ARID1B: variants seen among roughly 807,000 people sequenced by gnomAD.
ARID1B encodes the protein AT-rich interactive domain-containing protein 1B.
A neutral mutation model predicts 212.3 loss-of-function variants in ARID1B; 30 were observed. The observed-to-expected ratio is 0.14, with a 90% CI of 0.11 to 0.19. The LOEUF (loss-of-function observed/expected upper bound fraction) is 0.19, where lower values mean the gene tolerates loss of function less well. Among genes scored for constraint, ARID1B ranks in the 10% least tolerant of loss-of-function variants. ARID1B has a pLI of 1.00. For synonymous variants in ARID1B, 1,402 were observed against 1,301.7 expected, an observed-to-expected ratio of 1.08 and a Z score of -1.66; for missense variants, 2,891 against 3,204.0, an observed-to-expected ratio of 0.90 and a Z score of 2.36.
chr6:156,946,631 TAGCTC>T (rs1793174958), intron 4 of ARID1B, among the ~76,000 whole-genome samples: 1 of 152,026 alleles, frequency 6.6e-6, no homozygotes, highest in South Asian at 2.1e-4. Flanking sequence ...TTGAGAGTGT[TAGCTC>T]AGCGATGCTG....
chr6:156,896,576 CAA>C (rs72490811), intron 2 of ARID1B, among the ~76,000 whole-genome samples: 255 of 45,888 alleles, frequency 5.6e-3, no homozygotes, highest in Middle Eastern at 0.038. Context: ...AACTGCGTCT[CAA>C]AAAAAAAAAA....
intron 4 of ARID1B, among the ~76,000 whole-genome samples, chr6:157,008,111 T>G (rs1025577922): frequency 6.6e-6 from 1 of 152,096 alleles, no homozygotes; most frequent in East Asian, 1.9e-4. Flanking sequence ...TTTCCCTCTC[T>G]TCCTCCTTCC....
At chr6:157,092,205 C>G (rs1315998267) in intron 5 of ARID1B, among the ~76,000 whole-genome samples, 1 of 152,246 alleles carries the variant, frequency 6.6e-6, no homozygotes, top group African/African-American at 2.4e-5. Context: ...TTTCCATTCC[C>G]TTCCAAATGC....
intron 2 of ARID1B, among the ~76,000 whole-genome samples, chr6:156,862,696 G>C (rs1039037959): frequency 1.3e-5 from 2 of 152,122 alleles, no homozygotes; most frequent in African/African-American, 4.8e-5. Flanking sequence ...AGGAGGAGGC[G>C]GTAGATGTGG....
intron 3 of ARID1B, among the ~76,000 whole-genome samples, chr6:156,905,818 TTTTC>T (rs1789329828): frequency 6.6e-6 from 1 of 152,192 alleles, no homozygotes; most frequent in Non-Finnish European, 1.5e-5. Flanking sequence ...CCTATAAACT[TTTTC>T]TTTTTTTATC....
At chr6:157,172,447 T>C (rs1458684883) in intron 9 of ARID1B, among the ~76,000 whole-genome samples, 1 of 152,164 alleles carries the variant, frequency 6.6e-6, no homozygotes, top group African/African-American at 2.4e-5. Flanking sequence ...ATCCCAATTA[T>C]GATTTGTGTG....
At chr6:157,131,459 C>T (rs919306630) in intron 6 of ARID1B, among the ~76,000 whole-genome samples, 2 of 152,030 alleles carry the variant, frequency 1.3e-5, no homozygotes, top group Non-Finnish European at 2.9e-5. Context: ...GTGTGGAGAG[C>T]AGATCGTGGG....
chr6:156,872,568 G>A (rs555741838), intron 2 of ARID1B, among the ~76,000 whole-genome samples: 4 of 152,206 alleles, frequency 2.6e-5, no homozygotes, highest in East Asian at 3.9e-4. Context: ...TGATCCGCGC[G>A]CCTCAGCCTC....
At chr6:156,976,003 G>C (rs1777216673) in intron 4 of ARID1B, among the ~76,000 whole-genome samples, 2 of 152,174 alleles carry the variant, frequency 1.3e-5, no homozygotes, top group South Asian at 4.1e-4. Flanking sequence ...CTTCTCAAGG[G>C]TGGAGCGGGT....
intron 4 of ARID1B, among the ~76,000 whole-genome samples, chr6:156,998,866 G>C (rs142764034): frequency 1.3e-5 from 2 of 152,194 alleles, no homozygotes; most frequent in Non-Finnish European, 2.9e-5. Context: ...GGAAGAAAGC[G>C]TTCTTTTCCT....
intron 2 of ARID1B, among the ~76,000 whole-genome samples, chr6:156,893,804 G>A (rs1384947680): frequency 6.6e-6 from 1 of 152,166 alleles, no homozygotes. Context: ...GTGTTGTCAA[G>A]GATATGGAGA....
intron 1 of ARID1B, among the ~76,000 whole-genome samples, chr6:156,802,408 C>A (rs1034704448): frequency 2.6e-5 from 4 of 152,116 alleles, no homozygotes; most frequent in African/African-American, 9.7e-5. Context: ...GAATATTTTA[C>A]CCTTCTTTTT....
chr6:156,931,946 A>G (rs1791758155), intron 3 of ARID1B, among the ~76,000 whole-genome samples: 1 of 144,900 alleles, frequency 6.9e-6, no homozygotes, highest in Non-Finnish European at 1.5e-5. Flanking sequence ...GGGCAACGAG[A>G]GCAAGATTCC....
At chr6:157,085,120 G>A (rs934273617) in intron 5 of ARID1B, among the ~76,000 whole-genome samples, 1 of 152,068 alleles carries the variant, frequency 6.6e-6, no homozygotes, top group Non-Finnish European at 1.5e-5. Context: ...CAATTACTTT[G>A]ATAATTTCAA....
intron 4 of ARID1B, among the ~76,000 whole-genome samples, chr6:157,040,414 G>C (rs1008241852): frequency 2.0e-5 from 3 of 152,204 alleles, no homozygotes; most frequent in African/African-American, 7.2e-5. Flanking sequence ...TGAGCCTGCT[G>C]GAGTGTGTGT....
At chr6:157,121,015 T>C (rs1401131931) in intron 6 of ARID1B, among the ~76,000 whole-genome samples, 1 of 152,176 alleles carries the variant, frequency 6.6e-6, no homozygotes, top group Non-Finnish European at 1.5e-5. Context: ...CTCTACTTTT[T>C]CCAACAGGAT....
Position 156,947,010 on chromosome 6 carries a change from T to G in ARID1B, c.2247+11434T>G, listed in dbSNP as rs113320257. Among the ~76,000 whole-genome samples the G allele has an allele frequency of 2.2e-3, 337 of 152,346 alleles. 1 individual carries two copies. The highest frequency in any genetic ancestry group is 7.8e-3 in the African/African-American group (323 of 41,572). On this transcript the variant is annotated intron_variant, in intron 4 of 19. Coordinates refer to ENST00000636930, the MANE Select transcript of ARID1B (RefSeq NM_001374828.1). ...GCATTGGCTATAACTTTGCATTTCA[T>G]TTAAATTTTTGGAGATGATTTGAAG...
chr6:156,818,201 T>C (rs1782110943), intron 1 of ARID1B, among the ~76,000 whole-genome samples: 1 of 144,630 alleles, frequency 6.9e-6, no homozygotes, highest in Admixed American at 7.2e-5. Flanking sequence ...TAAGAGTCAA[T>C]ATATGCTTAC....
chr6:157,083,455 C>T (rs535625300), intron 4 of ARID1B, among the ~76,000 whole-genome samples: 8 of 152,180 alleles, frequency 5.3e-5, no homozygotes, highest in Non-Finnish European at 1.2e-4. Context: ...CCATGGGGGG[C>T]ACACCAGTGA....
Sources: allele counts gnomAD v4.1 joint callset (sites outside exome capture counted in the v4.1 genomes callset), GRCh38; gene constraint gnomAD v4.1.1; transcripts MANE v1.5; gene names NCBI Gene and HGNC (gene_info 2026-07-23, HGNC 2026-07-21).